Variants in AGXT2 observed in about 807,000 individuals in gnomAD.
AGXT2 encodes alanine--glyoxylate aminotransferase 2, mitochondrial.
In AGXT2, 61 loss-of-function variants were observed where a neutral mutation model predicts 62.5. The observed-to-expected ratio is 0.98, with a 90% CI of 0.79 to 1.21. The LOEUF is 1.21. Ranked by LOEUF, AGXT2 falls within the 50% of genes most tolerant of loss-of-function variation. The pLI is 0.00. For missense variants in AGXT2, 666 were observed against 641.5 expected (o/e 1.04, Z -0.41); for synonymous variants, 243 against 218.7 (o/e 1.11, Z -0.98).
chr5:35,032,961 T>G (rs559918318), intron 6 of AGXT2, 136 bp from the exon 7 acceptor site: 1 of 752,616 alleles, frequency 1.3e-6, no homozygotes, highest in African/African-American at 1.7e-5. Flanking sequence ...AGATGAAAAT[T>G]GAAGGATCTG....
intron 1 of AGXT2, among the ~76,000 whole-genome samples, chr5:35,043,617 C>T (rs577550308): frequency 9.2e-5 from 14 of 152,236 alleles, no homozygotes; most frequent in South Asian, 2.1e-4. Flanking sequence ...ACTGTAGCCT[C>T]GGCCTCCCAG....
chr5:35,002,887 A>G lies in AGXT2; in HGVS notation c.1437+876T>C, dbSNP rs112545330. ...ATCTGAGAAGTATGAGGCAAGAAGC[A>G]GATATTTCAGTATCCACTGAAGTTG... On this transcript the variant is annotated intron_variant, in intron 13 of 13. Coordinates refer to ENST00000231420, the MANE Select transcript of AGXT2 (RefSeq NM_031900.4). Among the ~76,000 whole-genome samples the G allele has an allele frequency of 3.8e-3, 583 of 152,332 alleles. 5 individuals are homozygous for G. The highest frequency in any genetic ancestry group is 0.013 in the African/African-American group (557 of 41,560).
chr5:35,024,863 G>A (rs763994000), intron 9 of AGXT2, among the ~76,000 whole-genome samples: 3 of 152,034 alleles, frequency 2.0e-5, no homozygotes, highest in Admixed American at 1.3e-4. Flanking sequence ...CCAGCTACTC[G>A]GGAGGCTGAG....
chr5:35,005,688 C>G (rs1766394162), intron 12 of AGXT2, among the ~76,000 whole-genome samples: 2 of 151,600 alleles, frequency 1.3e-5, no homozygotes, highest in East Asian at 1.9e-4. Context: ...AAAGCAGGGT[C>G]TGAAACTCTG....
In AGXT2 at chr5:34,998,481, C is replaced by A; in HGVS notation, c.*238G>T. 1.7e-6 allele frequency: 1 copy of A among 572,852 alleles called. No homozygotes were observed. Among genetic ancestry groups the A allele is most frequent in the Non-Finnish European group, 3.1e-6 (1 of 321,418 alleles). The allele number at this position is 572,852 out of a possible 1,614,324, so 35.5% of individuals were successfully genotyped here. ...ATCAAATTACCATACCTAACATAAACTAATTAGGATTTATTCTCTGAGCTA... is the reference window on the plus strand; with the variant it reads ...ATCAAATTACCATACCTAACATAAAATAATTAGGATTTATTCTCTGAGCTA... On this transcript the variant is annotated 3_prime_UTR_variant, in exon 14 of 14. Coordinates refer to ENST00000231420, the MANE Select transcript of AGXT2 (RefSeq NM_031900.4).
chr5:35,047,606 A>C (rs1768293416), intron 1 of AGXT2, among the ~76,000 whole-genome samples, 199 bp downstream of exon 1: 1 of 146,092 alleles, frequency 6.8e-6, no homozygotes, highest in Admixed American at 7.0e-5. Flanking sequence ...ATTTCAAAAC[A>C]AAAAGGAGCA....
At chr5:35,028,830 T>C (rs995814665) in intron 7 of AGXT2, among the ~76,000 whole-genome samples, 2 of 152,168 alleles carry the variant, frequency 1.3e-5, no homozygotes, top group African/African-American at 4.8e-5. Flanking sequence ...GTGAAAGCAG[T>C]GTGGGACAGG....
chr5:35,039,538 A>G, intron 2 of AGXT2, 30 bp from the exon 3 acceptor site: 1 of 1,605,238 alleles, frequency 6.2e-7, no homozygotes, highest in Non-Finnish European at 8.5e-7. Flanking sequence ...AAACCCACAC[A>G]CTTCTTACAA....
rs267600604 is a variant in AGXT2 at position 35,036,956 on chromosome 5, G to T, written c.472C>A (p.Pro158Thr). 1.2e-6 allele frequency: 2 copies of T among 1,614,114 alleles called. No homozygotes were observed. The highest frequency in any genetic ancestry group is 1.7e-6 in the Non-Finnish European group (2 of 1,179,996). Residue 158 changes from proline to threonine, a missense_variant, in exon 4 of 14, where the codon CCT becomes ACT. Physicochemically the swap from Pro to Thr is conservative, Grantham distance 38. Coordinates refer to ENST00000231420, the MANE Select transcript of AGXT2 (RefSeq NM_031900.4). ...GAGCATTGTACCTTAAGAGGCTCAG[G>T]AAGAAGTGCGGCAAGCTTCTCTGCA... is the stretch of plus-strand genomic sequence containing the variant. ...EYAEKLAALL[P>T]EPLKVIFLVN...
chr5:35,046,032 G>T (rs538910276), intron 1 of AGXT2, among the ~76,000 whole-genome samples: 116 of 152,252 alleles, frequency 7.6e-4, no homozygotes, highest in African/African-American at 2.5e-3. Context: ...CTCACAAAGT[G>T]CTGGGATTAG....
intron 7 of AGXT2, among the ~76,000 whole-genome samples, chr5:35,032,370 G>A (rs1767597250): frequency 6.6e-6 from 1 of 152,128 alleles, no homozygotes; most frequent in Admixed American, 6.5e-5. Context: ...TGGGACTACA[G>A]GCATGCCACC....
intron 9 of AGXT2, among the ~76,000 whole-genome samples, chr5:35,022,137 T>C (rs1767125630): frequency 6.6e-6 from 1 of 152,162 alleles, no homozygotes; most frequent in Non-Finnish European, 1.5e-5. Flanking sequence ...GACTGTAAAC[T>C]AGTTCAACCA....
chr5:35,014,452 C>CAAAAAAAAAA (rs61052930), intron 9 of AGXT2, among the ~76,000 whole-genome samples: 3 of 86,220 alleles, frequency 3.5e-5, no homozygotes, highest in African/African-American at 9.2e-5. Flanking sequence ...GACTCCATCT[C>CAAAAAAAAAA]AAAAAAAAAA....
chr5:35,012,080 C>A (rs540445435), intron 11 of AGXT2, among the ~76,000 whole-genome samples: 1 of 151,804 alleles, frequency 6.6e-6, no homozygotes, highest in South Asian at 2.1e-4. Context: ...GACCCAGAAG[C>A]GGGGAAGCTG....
chr5:35,040,525 C>T (rs765364499), intron 2 of AGXT2, 50 bp downstream of exon 2: 2 of 1,531,738 alleles, frequency 1.3e-6, no homozygotes, highest in East Asian at 2.3e-5. Context: ...CATTTGAGAC[C>T]TCCCCAGAGA....
chr5:35,012,622 C>A, intron 11 of AGXT2: 1 of 328,492 alleles, frequency 3.0e-6, no homozygotes, highest in Non-Finnish European at 5.9e-6. Flanking sequence ...AAGAGAAGGC[C>A]AACATGAAAC....
At chr5:35,030,076 A>G (rs1039172977) in intron 7 of AGXT2, among the ~76,000 whole-genome samples, 1 of 152,218 alleles carries the variant, frequency 6.6e-6, no homozygotes, top group African/African-American at 2.4e-5. Context: ...GTAAACATAT[A>G]TGAATATTCC....
At chr5:35,022,892 G>C (rs1005255151) in intron 9 of AGXT2, among the ~76,000 whole-genome samples, 2 of 151,656 alleles carry the variant, frequency 1.3e-5, no homozygotes, top group African/African-American at 4.8e-5. Flanking sequence ...TTTCTATGAA[G>C]AATACTGTAA....
intron 7 of AGXT2, chr5:35,027,154 A>C (rs959519110): frequency 3.0e-6 from 1 of 330,280 alleles, no homozygotes; most frequent in East Asian, 1.7e-4. Flanking sequence ...CATTTCTAAA[A>C]TCTCTGTGGC....
Sources: allele counts gnomAD v4.1 joint callset (sites outside exome capture counted in the v4.1 genomes callset), GRCh38; gene constraint gnomAD v4.1.1; transcripts MANE v1.5; gene names NCBI Gene and HGNC (gene_info 2026-07-23, HGNC 2026-07-21).